The following PLA2R1 variants were observed in gnomAD, a reference collection of about 807,000 sequenced individuals.
The protein encoded by PLA2R1 is secretory phospholipase A2 receptor.
Under a neutral mutation model 195.9 loss-of-function variants are expected in PLA2R1, and 158 were observed. The ratio of observed to expected loss-of-function variants is 0.81; its 90% CI spans 0.71 to 0.92. PLA2R1 has a LOEUF of 0.92. Ranked by LOEUF, PLA2R1 falls within the 40% of genes least tolerant of loss-of-function variation. The pLI is 0.00. For missense variants in PLA2R1, 1,626 were observed against 1,764.6 expected, an observed-to-expected ratio of 0.92 and a Z score of 1.41; for synonymous variants, 586 against 598.2, an observed-to-expected ratio of 0.98 and a Z score of 0.30.
At chr2:159,973,994 C>A (rs890856014) in intron 17 of PLA2R1, among the ~76,000 whole-genome samples, 1 of 151,974 alleles carries the variant, frequency 6.6e-6, no homozygotes, top group Non-Finnish European at 1.5e-5. Flanking sequence ...GCATTATCTA[C>A]GCCATCCCCA....
At chr2:159,986,286 T>C (rs1174129149) in intron 12 of PLA2R1, among the ~76,000 whole-genome samples, 1 of 152,184 alleles carries the variant, frequency 6.6e-6, no homozygotes, top group African/African-American at 2.4e-5. Context: ...GATGCTCAAC[T>C]GGTAAGTGCG....
chr2:159,931,924 A>G (rs1686606794), downstream of PLA2R1: 1 of 152,232 alleles, frequency 6.6e-6, no homozygotes, highest in Admixed American at 6.5e-5. Flanking sequence ...AATTCTTATG[A>G]TTCCTTCCTT....
the PLA2R1 span, among the ~76,000 whole-genome samples, chr2:159,924,736 G>C: frequency 1.3e-5 from 2 of 150,166 alleles, no homozygotes; most frequent in African/African-American, 4.9e-5. Context: ...GGCTGGGGGG[G>C]GGGCGGTGCG....
At chr2:159,991,417 G>C (rs1192515106) in intron 11 of PLA2R1, among the ~76,000 whole-genome samples, 1 of 150,146 alleles carries the variant, frequency 6.7e-6, no homozygotes, top group Non-Finnish European at 1.5e-5. Context: ...GGGACAGGCT[G>C]AAAGTGCAGG....
chr2:159,951,414 ACTGGTCTGTGATG>A lies in PLA2R1; in HGVS notation c.3453_3465del (p.Asp1154SerfsTer11). Reference sequence around the variant, plus strand: ...ACAACAGTGAGGAAGGACTGGTGATACTGGTCTGTGATGCTGACCAGTTGTGCTTTGTGCATCA... The same window carrying A: ...ACAACAGTGAGGAAGGACTGGTGATACTGACCAGTTGTGCTTTGTGCATCA... On this transcript the variant is annotated frameshift_variant, in exon 24 of 30. Transcript: ENST00000283243. LOFTEE classifies it high-confidence loss of function. 1 of 1,614,002 alleles carries A rather than the reference ACTGGTCTGTGATG, an allele frequency of 6.2e-7. No individual in the cohort carries two copies. Among genetic ancestry groups the A allele is most frequent in the Non-Finnish European group, 8.5e-7 (1 of 1,179,894 alleles).
chr2:159,974,150 C>A (rs1368754229), intron 17 of PLA2R1, among the ~76,000 whole-genome samples: 2 of 152,134 alleles, frequency 1.3e-5, no homozygotes, highest in African/African-American at 4.8e-5. Flanking sequence ...AAGCTGGCAG[C>A]CATGTTTTGG....
At chr2:159,986,670 T>A (rs1251068555) in intron 12 of PLA2R1, among the ~76,000 whole-genome samples, 1 of 151,508 alleles carries the variant, frequency 6.6e-6, no homozygotes, top group East Asian at 1.9e-4. Context: ...CACTGCAACC[T>A]CTGCCTCCCG....
Position 159,942,158 on chromosome 2 carries a change from A to G in PLA2R1, c.4146T>C (p.Asp1382=). 6.2e-7 allele frequency: 1 copy of G among 1,606,868 alleles called. No individual in the cohort carries two copies. Among genetic ancestry groups the G allele is most frequent in the Non-Finnish European group, 8.5e-7 (1 of 1,174,954 alleles). Residue 1382 remains aspartate, a splice_region_variant and synonymous_variant, in exon 29 of 30, where the codon GAT becomes GAC. Coordinates refer to ENST00000283243, the MANE Select transcript of PLA2R1 (RefSeq NM_007366.5). ...CTGGCAGCGCCTCTGCAGTGTGAAT[A>G]TCTAAAATCAAATACAAAAATTAAA... ...KKGFICKMEA[D]IHTAEALPEK...
chr2:159,970,345 G>C, intron 17 of PLA2R1, 133 bp from the exon 18 acceptor site: 1 of 470,234 alleles, frequency 2.1e-6, no homozygotes, highest in Non-Finnish European at 3.7e-6. Flanking sequence ...ATACACTAAG[G>C]CCTAGCATCT....
At chr2:160,041,016 C>T (rs1055547209) in intron 3 of PLA2R1, among the ~76,000 whole-genome samples, 1 of 152,188 alleles carries the variant, frequency 6.6e-6, no homozygotes, top group Admixed American at 6.5e-5. Context: ...ATGGAGAGAG[C>T]TTCCCAAAAT....
At position 160,046,708 on chromosome 2, in the gene PLA2R1, C is replaced by T. The variant is rs972659551; in HGVS notation, c.110-1551G>A. Among the ~76,000 whole-genome samples the T allele has an allele frequency of 5.9e-5, 9 of 151,814 alleles. No individual in the cohort carries two copies. The South Asian group carries it at 1.9e-3, about 32-fold the overall frequency. ...TCAGAGAATTGCTTTGATCACCATA[C>T]ATAAGAGCAAAAGAGAGGGGGTGGG... On this transcript the variant is annotated intron_variant, in intron 1 of 29. Transcript: ENST00000283243.
At chr2:160,016,538 A>C in intron 9 of PLA2R1, 76 bp downstream of exon 9, 3 of 748,826 alleles carry the variant, frequency 4.0e-6, no homozygotes, top group Non-Finnish European at 7.1e-6. Context: ...AGAGAAATTC[A>C]CTTCAAATTG....
intron 20 of PLA2R1, among the ~76,000 whole-genome samples, chr2:159,957,138 G>A (rs188251013): frequency 6.6e-6 from 1 of 152,110 alleles, no homozygotes; most frequent in East Asian, 1.9e-4. Flanking sequence ...TGGTCACTAA[G>A]TCTATTGGGA....
rs1363717443 is a variant in PLA2R1, at chr2:159,967,670, C to A, written c.2773G>T (p.Gly925Cys). Residue 925 changes from glycine (G) to cysteine (C), a missense_variant, in exon 20 of 30, where the codon GGT becomes TGT. Physicochemically the swap from Gly to Cys is radical, Grantham distance 159 (BLOSUM62 -3). Transcript: ENST00000283243. ...ATAGAAACTGAACACTCTTCACTAC[C>A]CCAGAGTCCTGGAGGAGAAAATGGG... ...GFISSITGLW[G>C]SEECSVSMPS... is the part of the protein sequence containing the mutation. 1 of 1,613,262 alleles carries A rather than the reference C, an allele frequency of 6.2e-7. No individual in the cohort carries two copies. The highest frequency in any genetic ancestry group is 1.3e-5 in the African/African-American group (1 of 74,890).
chr2:160,047,492 C>T (rs926506493), intron 1 of PLA2R1, among the ~76,000 whole-genome samples: 3 of 152,152 alleles, frequency 2.0e-5, no homozygotes, highest in Non-Finnish European at 4.4e-5. Context: ...ATTTTTACTG[C>T]AGTTTCTGCA....
intron 9 of PLA2R1, 91 bp from the exon 10 acceptor site, chr2:160,013,466 A>T: frequency 4.7e-6 from 3 of 638,100 alleles, no homozygotes; most frequent in South Asian, 4.6e-5. Flanking sequence ...CACCTACATA[A>T]CTTTCTTCTC....
rs1288210050 is a variant in PLA2R1, at chr2:159,941,170, A to G, written c.*608T>C. The G allele has an allele frequency of 6.6e-6, 1 of 152,196 alleles. No homozygotes were observed. Among genetic ancestry groups the G allele is most frequent in the Admixed American group, 6.5e-5 (1 of 15,282 alleles). The allele number at this position is 152,196 out of a possible 1,614,324, so 9.4% of individuals were successfully genotyped here. A position where few individuals can be genotyped will look rare whatever the true frequency, so the allele number is the denominator to read the frequency against. ...AAGAAGGTATTTTTCTTTCTCCTTT[A>G]GCTTGAGATGTTAGACCTAATAAAA... is the stretch of plus-strand genomic sequence containing the variant. On this transcript the variant is annotated 3_prime_UTR_variant, in exon 30 of 30. Transcript: ENST00000283243.
chr2:159,972,793 A>G (rs1689276153), intron 17 of PLA2R1, among the ~76,000 whole-genome samples: 1 of 152,198 alleles, frequency 6.6e-6, no homozygotes, highest in African/African-American at 2.4e-5. Flanking sequence ...CATTAATGTG[A>G]TTATCAAGAT....
chr2:159,985,426 C>T (rs1690257048), intron 12 of PLA2R1, among the ~76,000 whole-genome samples: 3 of 152,086 alleles, frequency 2.0e-5, no homozygotes, highest in Non-Finnish European at 4.4e-5. Flanking sequence ...GTAAAATAAA[C>T]CAAGACAAAA....
Sources: gnomAD v4.1 joint callset for allele counts (sites outside exome capture counted in the v4.1 genomes callset) on GRCh38, gnomAD v4.1.1 for gene constraint, MANE v1.5 for transcripts, NCBI Gene and HGNC (gene_info 2026-07-23, HGNC 2026-07-21) for gene names.